ADORA2B: variants seen among roughly 807,000 people sequenced by gnomAD.
ADORA2B encodes adenosine A2b receptor, also known as adenosine receptor A2b.
In ADORA2B, 18 loss-of-function variants were observed where a neutral mutation model predicts 20.8. The ratio of observed to expected loss-of-function variants is 0.87; its 90% CI spans 0.60 to 1.29. ADORA2B has a LOEUF of 1.29. Ranked by LOEUF, ADORA2B falls within the 50% of genes most tolerant of loss-of-function variation. The probability of loss-of-function intolerance (pLI) is 0.00; values close to 1 mark genes in which losing one functional copy is unlikely to be tolerated. For missense variants in ADORA2B, 441 were observed against 422.7 expected (o/e 1.04, Z -0.38); for synonymous variants, 179 against 178.3 (o/e 1.00, Z -0.03).
intron 1 of ADORA2B, 74 bp downstream of exon 1, chr17:15,945,657 G>C (rs550487634): frequency 1.5e-6 from 2 of 1,376,922 alleles, no homozygotes; most frequent in East Asian, 5.1e-5. Flanking sequence ...CCAGGCCGGG[G>C]TTCCTCCCTC....
intron 1 of ADORA2B, among the ~76,000 whole-genome samples, chr17:15,961,025 G>C (rs926404056): frequency 2.6e-5 from 4 of 151,184 alleles, no homozygotes; most frequent in African/African-American, 4.9e-5. Context: ...AAATTAGCCA[G>C]GCGTGGTGGC....
the ADORA2B span, among the ~76,000 whole-genome samples, chr17:15,884,057 C>T: frequency 6.6e-6 from 1 of 152,228 alleles, no homozygotes; most frequent in South Asian, 2.1e-4. Flanking sequence ...CTCAGAGTCA[C>T]ACTCTAGTAA....
At chr17:15,867,025 G>T in the ADORA2B span, among the ~76,000 whole-genome samples, 1 of 152,260 alleles carries the variant, frequency 6.6e-6, no homozygotes, top group Admixed American at 6.5e-5. Flanking sequence ...AACTGCGAGT[G>T]ATCCGCCAGC....
At chr17:15,860,190 G>C in the ADORA2B span, among the ~76,000 whole-genome samples, 1 of 152,114 alleles carries the variant, frequency 6.6e-6, no homozygotes, top group Non-Finnish European at 1.5e-5. Context: ...CCCTTAAAAG[G>C]GACAGGAATT....
At chr17:15,948,484 G>C (rs530352335) in intron 1 of ADORA2B, among the ~76,000 whole-genome samples, 1 of 150,470 alleles carries the variant, frequency 6.6e-6, no homozygotes, top group East Asian at 2.0e-4. Context: ...ACAGGCAGGA[G>C]GGTGTGGGCC....
At chr17:15,926,289 C>T in the ADORA2B span, among the ~76,000 whole-genome samples, 3 of 151,544 alleles carry the variant, frequency 2.0e-5, no homozygotes, top group Non-Finnish European at 2.9e-5. Flanking sequence ...TGGCAGGGGA[C>T]GCAGACAAGA....
At chr17:15,861,474 C>G in the ADORA2B span, among the ~76,000 whole-genome samples, 1 of 152,112 alleles carries the variant, frequency 6.6e-6, no homozygotes, top group African/African-American at 2.4e-5. Context: ...GAGGTTTGTG[C>G]TTTATTTTGA....
chr17:15,911,266 C>T, the ADORA2B span, among the ~76,000 whole-genome samples: 1 of 152,192 alleles, frequency 6.6e-6, no homozygotes. Context: ...TTGACATAAT[C>T]GATGCATTTT....
At chr17:15,907,976 CCACATAATAG>C in the ADORA2B span, among the ~76,000 whole-genome samples, 3 of 152,178 alleles carry the variant, frequency 2.0e-5, no homozygotes, top group Non-Finnish European at 4.4e-5. Flanking sequence ...AATGCTCAGC[CCACATAATAG>C]CACATGCACT....
At chr17:15,866,930 G>T in the ADORA2B span, among the ~76,000 whole-genome samples, 1 of 151,782 alleles carries the variant, frequency 6.6e-6, no homozygotes, top group African/African-American at 2.4e-5. Context: ...GATTGCAGGC[G>T]CGCGCCGCCA....
chr17:15,922,590 G>A, the ADORA2B span, among the ~76,000 whole-genome samples: 8 of 152,154 alleles, frequency 5.3e-5, no homozygotes, highest in Non-Finnish European at 8.8e-5. Flanking sequence ...CAAGCAAACT[G>A]GGATGTAGGG....
At chr17:15,927,222 G>A in the ADORA2B span, among the ~76,000 whole-genome samples, 1 of 152,058 alleles carries the variant, frequency 6.6e-6, no homozygotes, top group Admixed American at 6.5e-5. Context: ...GGTGGCTCAC[G>A]CCTGTAATCC....
At chr17:15,867,836 C>A in the ADORA2B span, among the ~76,000 whole-genome samples, 1 of 148,320 alleles carries the variant, frequency 6.7e-6, no homozygotes, top group African/African-American at 2.6e-5. Flanking sequence ...AAGTGAGGAG[C>A]CCCTCTGCCC....
chr17:15,951,923 G>A (rs1969908827), intron 1 of ADORA2B, among the ~76,000 whole-genome samples: 2 of 152,316 alleles, frequency 1.3e-5, no homozygotes, highest in African/African-American at 4.8e-5. Context: ...CCAGAGGGCA[G>A]AGGCCTCCTC....
At position 15,945,473 on chromosome 17, in the gene ADORA2B, C is replaced by T; in HGVS notation, c.225C>T (p.Phe75=). Residue 75 remains phenylalanine (F), a synonymous_variant, in exon 1 of 2, where the codon TTC becomes TTT. Transcript: ENST00000304222. ...TCAGCCTGGGCTTCTGCACTGACTT[C>T]TACGGCTGCCTCTTCCTCGCCTGCT... is the stretch of plus-strand genomic sequence containing the variant. ...ITISLGFCTD[F]YGCLFLACFV... is the part of the protein sequence containing the mutation. The T allele has an allele frequency of 6.2e-7, 1 of 1,613,108 alleles. No individual in the cohort carries two copies. Among genetic ancestry groups the T allele is most frequent in the Non-Finnish European group, 8.5e-7 (1 of 1,179,898 alleles).
chr17:15,881,185 T>A, the ADORA2B span, among the ~76,000 whole-genome samples: 1 of 152,160 alleles, frequency 6.6e-6, no homozygotes, highest in South Asian at 2.1e-4. Flanking sequence ...CACTGCAACC[T>A]CTGCCTCCCG....
At chr17:15,958,164 G>A (rs1014538579) in intron 1 of ADORA2B, among the ~76,000 whole-genome samples, 41 of 152,180 alleles carry the variant, frequency 2.7e-4, no homozygotes, top group South Asian at 2.1e-4. Flanking sequence ...GATTACAGGC[G>A]TGCGCCACTG....
chr17:15,923,206 A>ATTTTTTTTTTTTTT, the ADORA2B span, among the ~76,000 whole-genome samples: 65 of 113,478 alleles, frequency 5.7e-4, no homozygotes, highest in African/African-American at 8.6e-4. Flanking sequence ...TCTTTTTTTA[A>ATTTTTTTTTTTTTT]TTTTTTTTTT....
the ADORA2B span, among the ~76,000 whole-genome samples, chr17:15,867,847 G>A: frequency 1.3e-5 from 2 of 151,810 alleles, no homozygotes; most frequent in Non-Finnish European, 2.9e-5. Context: ...CCCTCTGCCC[G>A]GCCACCACCC....
Sources: gnomAD v4.1 joint callset for allele counts (sites outside exome capture counted in the v4.1 genomes callset) on GRCh38, gnomAD v4.1.1 for gene constraint, MANE v1.5 for transcripts, NCBI Gene and HGNC (gene_info 2026-07-23, HGNC 2026-07-21) for gene names.